EOGT: variants seen among roughly 807,000 people sequenced by gnomAD.
The protein encoded by EOGT is EGF domain-specific O-linked N-acetylglucosamine transferase.
A neutral mutation model predicts 70.5 loss-of-function variants in EOGT; 55 were observed. That is an observed-to-expected ratio of 0.78 (90% CI 0.63 to 0.98). EOGT has a LOEUF of 0.98. EOGT is among the 50% of genes least tolerant of loss of function. EOGT has a pLI of 0.00. For missense variants in EOGT, 703 were observed against 641.9 expected (o/e 1.10, Z -1.03); for synonymous variants, 246 against 217.1 (o/e 1.13, Z -1.17).
intron 10 of EOGT, among the ~76,000 whole-genome samples, chr3:68,989,878 C>A (rs928725118): frequency 6.6e-6 from 1 of 151,058 alleles, no homozygotes. Flanking sequence ...AAGTTTAAGG[C>A]TGCAGTGAGC....
chr3:68,980,892 A>G, intron 15 of EOGT, among the ~76,000 whole-genome samples: 1 of 152,180 alleles, frequency 6.6e-6, no homozygotes, highest in Non-Finnish European at 1.5e-5. Flanking sequence ...CGAATTCATT[A>G]TCATTCTTGC....
Position 69,008,456 on chromosome 3 carries a change from G to A in EOGT, c.283C>T (p.Pro95Ser), listed in dbSNP as rs770193294. ...SCKPEFRFGY[P>S]VCSYVDMGWT... The stretch of plus-strand genomic sequence containing the variant: ...CCCATGTCGACATAGCTGCAAACTG[G>A]GTAACCAAACCTGAACTCTGGTTTG... Residue 95 changes from proline to serine, a missense_variant, in exon 5 of 18, where the codon CCA becomes TCA. Coordinates refer to ENST00000383701, the MANE Select transcript of EOGT (RefSeq NM_001278689.2). 2.5e-6 allele frequency: 4 copies of A among 1,613,840 alleles called. No individual in the cohort carries two copies. The highest frequency in any genetic ancestry group is 2.2e-5 in the East Asian group (1 of 44,868).
chr3:68,978,401 A>G lies in EOGT; in HGVS notation c.1369T>C (p.Leu457=). 6.2e-7 allele frequency: 1 copy of G among 1,612,312 alleles called. No homozygotes were observed. Among genetic ancestry groups the G allele is most frequent in the Non-Finnish European group, 8.5e-7 (1 of 1,179,374 alleles). Residue 457 remains leucine, a synonymous_variant, in exon 17 of 18, where the codon TTG becomes CTG. Coordinates refer to ENST00000383701, the MANE Select transcript of EOGT (RefSeq NM_001278689.2). ...TAGTGAACGCCTCTCAGCCTGGCCA[A>G]GTCTAAGTAACAGCGTTCATCTTCA... The part of the protein sequence containing the change: ...NCEDERCYLD[L]ARLRGVHYIT...
chr3:68,978,300 T>C (rs375832770), intron 17 of EOGT, 33 bp downstream of exon 17: 194 of 1,499,352 alleles, frequency 1.3e-4, no homozygotes, highest in Non-Finnish European at 1.3e-4. Flanking sequence ...CAATTAAAAA[T>C]GAAGCAAGGT....
At chr3:68,981,499 AGGTGGACATGGAGAC>A (rs1425552044) in intron 15 of EOGT, among the ~76,000 whole-genome samples, 1 of 152,254 alleles carries the variant, frequency 6.6e-6, no homozygotes, top group Admixed American at 6.5e-5. Context: ...CTGTGACTGT[AGGTGGACATGGAGAC>A]AGAAGTTTTC....
rs935913166 is a variant in EOGT, at chr3:68,975,529, G to A, written c.*2089C>T. 1 of 140,990 alleles carries A rather than the reference G, an allele frequency of 7.1e-6. No individual in the cohort carries two copies. Among genetic ancestry groups the A allele is most frequent in the South Asian group, 2.3e-4 (1 of 4,326 alleles). The allele number at this position is 140,990 out of a possible 1,614,324, so 8.7% of individuals were successfully genotyped here. On this transcript the variant is annotated 3_prime_UTR_variant, in exon 18 of 18. Coordinates refer to ENST00000383701, the MANE Select transcript of EOGT (RefSeq NM_001278689.2). ...CTTAAAATGAGGTAAGAAGACAAAC[G>A]GTGAAACTTTTTTCAGATCATTTTT... is the stretch of plus-strand genomic sequence containing the variant.
intron 16 of EOGT, among the ~76,000 whole-genome samples, chr3:68,979,083 G>T (rs2090557813): frequency 6.6e-6 from 1 of 152,070 alleles, no homozygotes; most frequent in African/African-American, 2.4e-5. Context: ...AGACATAATG[G>T]GGGGAAACAG....
intron 7 of EOGT, 134 bp downstream of exon 7, chr3:69,005,006 G>A (rs576998245): frequency 1.7e-6 from 1 of 588,360 alleles, no homozygotes; most frequent in East Asian, 2.9e-5. Context: ...CAGCTGCACT[G>A]AGCCATGATT....
intron 15 of EOGT, among the ~76,000 whole-genome samples, chr3:68,981,623 A>C (rs1331794400): frequency 6.6e-6 from 1 of 152,218 alleles, no homozygotes; most frequent in African/African-American, 2.4e-5. Flanking sequence ...GGAATTACCC[A>C]AACTGTGAAT....
intron 13 of EOGT, chr3:68,987,848 G>A (rs1365927153): frequency 1.3e-5 from 5 of 382,436 alleles, no homozygotes; most frequent in African/African-American, 2.1e-5. Context: ...GCACATTCTT[G>A]TAATATCCCT....
chr3:68,999,656 G>C (rs994289907), intron 9 of EOGT, among the ~76,000 whole-genome samples: 2 of 152,070 alleles, frequency 1.3e-5, no homozygotes, highest in Non-Finnish European at 2.9e-5. Flanking sequence ...TCTTGGCAAA[G>C]AATATATTTT....
At chr3:68,993,084 C>T (rs2091042644) in intron 10 of EOGT, among the ~76,000 whole-genome samples, 1 of 152,214 alleles carries the variant, frequency 6.6e-6, no homozygotes, top group Non-Finnish European at 1.5e-5. Flanking sequence ...TCTGACATGC[C>T]TTGAAGACAT....
At chr3:68,994,901 C>T (rs1575746719) in intron 10 of EOGT, among the ~76,000 whole-genome samples, 1 of 152,176 alleles carries the variant, frequency 6.6e-6, no homozygotes, top group East Asian at 1.9e-4. Context: ...ATAAGAGCAA[C>T]CCTGCTGTGC....
At chr3:68,981,200 A>T (rs2090630059) in intron 15 of EOGT, among the ~76,000 whole-genome samples, 1 of 152,244 alleles carries the variant, frequency 6.6e-6, no homozygotes, top group African/African-American at 2.4e-5. Context: ...GATAAATAGT[A>T]GCTGTTTTTA....
At chr3:68,979,217 G>A (rs148242380) in intron 16 of EOGT, among the ~76,000 whole-genome samples, 62 of 152,254 alleles carry the variant, frequency 4.1e-4, no homozygotes, top group Admixed American at 2.9e-3. Context: ...TATGCCCTGG[G>A]CAAATCATGA....
At position 68,976,184 on chromosome 3, in the gene EOGT, CAT is replaced by C. The variant is rs1480718330; in HGVS notation, c.*1432_*1433del. Reference sequence around the variant, plus strand: ...TTTTTCACTTTCATTGAATAAGTCACATGTCTTTAGTTTGTTTTTTCTTGGTC... The same window carrying C: ...TTTTTCACTTTCATTGAATAAGTCACGTCTTTAGTTTGTTTTTTCTTGGTC... On this transcript the variant is annotated 3_prime_UTR_variant, in exon 18 of 18. Transcript: ENST00000383701. The C allele has an allele frequency of 7.9e-5, 12 of 152,266 alleles. No individual in the cohort carries two copies. The highest frequency in any genetic ancestry group is 7.7e-4 in the East Asian group (4 of 5,182). 9.4% of individuals were successfully genotyped at this position (152,266 alleles called of 1,614,324 possible).
intron 3 of EOGT, 73 bp from the exon 4 acceptor site, chr3:69,009,933 C>CAACAAAAAAAAAA: frequency 1.2e-4 from 31 of 255,150 alleles, no homozygotes; most frequent in South Asian, 3.3e-4. Context: ...ACAACAACAA[C>CAACAAAAAAAAAA]AAAAAAAAAA....
At chr3:68,992,169 C>T (rs915863016) in intron 10 of EOGT, among the ~76,000 whole-genome samples, 1 of 152,130 alleles carries the variant, frequency 6.6e-6, no homozygotes, top group African/African-American at 2.4e-5. Context: ...AACAGTCCCC[C>T]AAAAGTCTTA....
rs999157681 is a variant in EOGT at position 68,977,486 on chromosome 3, T to C, written c.*132A>G. On this transcript the variant is annotated 3_prime_UTR_variant, in exon 18 of 18. Coordinates refer to ENST00000383701, the MANE Select transcript of EOGT (RefSeq NM_001278689.2). Reference sequence around the variant, plus strand: ...AACATCTATACAACACATAACAATATCCTGAAGGTATGTTTTGGCATAGAA... The same window carrying C: ...AACATCTATACAACACATAACAATACCCTGAAGGTATGTTTTGGCATAGAA... The C allele has an allele frequency of 3.4e-6, 3 of 881,584 alleles. No individual in the cohort carries two copies. Among genetic ancestry groups the C allele is most frequent in the African/African-American group, 1.7e-5 (1 of 58,922 alleles). The allele number at this position is 881,584 out of a possible 1,614,324, so 54.6% of individuals were successfully genotyped here. A position where few individuals can be genotyped will look rare whatever the true frequency, so the allele number is the denominator to read the frequency against.
Sources: gnomAD v4.1 joint callset for allele counts (sites outside exome capture counted in the v4.1 genomes callset) on GRCh38, gnomAD v4.1.1 for gene constraint, MANE v1.5 for transcripts, NCBI Gene and HGNC (gene_info 2026-07-23, HGNC 2026-07-21) for gene names.